The following DIAPH2 variants were observed in gnomAD, a reference collection of about 807,000 sequenced individuals.
DIAPH2 encodes diaphanous related formin 2.
Under a neutral mutation model 92.7 loss-of-function variants are expected in DIAPH2, and 35 were observed. That is an observed-to-expected ratio of 0.38 (90% CI 0.29 to 0.50). DIAPH2 has a LOEUF of 0.50. Ranked by LOEUF, DIAPH2 falls within the 20% of genes least tolerant of loss-of-function variation. The pLI is 0.94. For synonymous variants in DIAPH2, 301 were observed against 280.4 expected (o/e 1.07, Z -0.73); for missense variants, 701 against 819.5 (o/e 0.86, Z 1.77).
At chrX:96,685,383 C>A (rs1326264777) in intron 1 of DIAPH2, among the ~76,000 whole-genome samples, 193 bp downstream of exon 1, 1 of 112,281 alleles carries the variant, frequency 8.9e-6, no homozygotes, top group East Asian at 2.9e-4. Context: ...GCACCCCCTT[C>A]TCTACTTAAC....
chrX:96,769,115 T>C (rs2064322300), intron 4 of DIAPH2, among the ~76,000 whole-genome samples: 1 of 110,996 alleles, frequency 9.0e-6, no homozygotes, highest in African/African-American at 3.3e-5. Flanking sequence ...ATGGAGGATA[T>C]AGATGAGAGA....
chrX:97,036,093 T>C (rs976597993), intron 17 of DIAPH2, among the ~76,000 whole-genome samples: 1 of 111,909 alleles, frequency 8.9e-6, no homozygotes, highest in African/African-American at 3.2e-5. Flanking sequence ...ACAACAGTTT[T>C]ATTCTAATTT....
intron 17 of DIAPH2, among the ~76,000 whole-genome samples, chrX:97,009,192 C>T (rs746872193): frequency 6.7e-4 from 74 of 110,822 alleles, no homozygotes; most frequent in Non-Finnish European, 1.0e-3. Flanking sequence ...GGAGGTTCTC[C>T]GTGTGGCCAT....
intron 22 of DIAPH2, among the ~76,000 whole-genome samples, chrX:97,149,801 A>C: frequency 9.3e-6 from 1 of 107,944 alleles, no homozygotes; most frequent in African/African-American, 3.4e-5. Flanking sequence ...TACTCTATCA[A>C]TAGCAACACC....
At chrX:97,325,546 ATT>A (rs2068942971) in intron 23 of DIAPH2, among the ~76,000 whole-genome samples, 4 of 47,489 alleles carry the variant, frequency 8.4e-5, no homozygotes, top group Non-Finnish European at 1.9e-4. Flanking sequence ...TCTTAATGTT[ATT>A]TTATTTTATT....
intron 26 of DIAPH2, among the ~76,000 whole-genome samples, chrX:97,593,140 G>A (rs2071528267): frequency 9.0e-6 from 1 of 111,280 alleles, no homozygotes. Context: ...TCTAAAATGT[G>A]TCCTAAAAAA....
intron 12 of DIAPH2, among the ~76,000 whole-genome samples, chrX:96,939,898 C>T (rs1388671776): frequency 6.0e-5 from 5 of 83,589 alleles, no homozygotes; most frequent in African/African-American, 2.4e-4. Context: ...CTCCTGACCT[C>T]GTGATCCGCC....
At chrX:97,302,932 C>T (rs768058527) in intron 23 of DIAPH2, among the ~76,000 whole-genome samples, 10 of 111,305 alleles carry the variant, frequency 9.0e-5, no homozygotes, top group Admixed American at 3.8e-4. Context: ...TGCAGTGAGC[C>T]GAGATCGCGC....
At chrX:97,028,922 T>C (rs2066353490) in intron 17 of DIAPH2, among the ~76,000 whole-genome samples, 1 of 111,601 alleles carries the variant, frequency 9.0e-6, no homozygotes. Context: ...CCATTTCACA[T>C]TCCCACTAGC....
At chrX:97,425,066 A>AT (rs1319665322) in intron 25 of DIAPH2, among the ~76,000 whole-genome samples, 1 of 112,501 alleles carries the variant, frequency 8.9e-6, no homozygotes, top group South Asian at 3.6e-4. Context: ...TCATAAATAT[A>AT]TTTTTTCAGT....
chrX:96,933,251 TCTTTTC>T (rs1322857592), intron 10 of DIAPH2, among the ~76,000 whole-genome samples: 3 of 111,216 alleles, frequency 2.7e-5, no homozygotes, highest in Admixed American at 9.6e-5. Context: ...CGCAGGTATT[TCTTTTC>T]CTTTTCCTTT....
chrX:96,924,860 C>G (rs1308247279), intron 9 of DIAPH2, among the ~76,000 whole-genome samples: 2 of 110,954 alleles, frequency 1.8e-5, no homozygotes, highest in African/African-American at 6.6e-5. Context: ...CCCCATGATC[C>G]AGTCACCTCC....
At chrX:97,120,081 T>C (rs1410477358) in intron 21 of DIAPH2, among the ~76,000 whole-genome samples, 1 of 111,827 alleles carries the variant, frequency 8.9e-6, no homozygotes, top group Non-Finnish European at 1.9e-5. Flanking sequence ...CCACTTCAAG[T>C]TGTTACAAAG....
At chrX:97,230,878 C>CAG (rs1395569342) in intron 22 of DIAPH2, among the ~76,000 whole-genome samples, 1 of 112,302 alleles carries the variant, frequency 8.9e-6, no homozygotes, top group Non-Finnish European at 1.9e-5. Context: ...CCCACCAGAT[C>CAG]AGAGAGGCAG....
intron 4 of DIAPH2, among the ~76,000 whole-genome samples, chrX:96,822,696 GAAAATAAAAA>G (rs1444870688): frequency 1.8e-5 from 2 of 111,568 alleles, no homozygotes; most frequent in Non-Finnish European, 3.8e-5. Context: ...GCAGCTTTGT[GAAAATAAAAA>G]CAAAAGTAGA....
At chrX:97,078,119 GA>G (rs2066717365) in intron 19 of DIAPH2, among the ~76,000 whole-genome samples, 1 of 111,589 alleles carries the variant, frequency 9.0e-6, no homozygotes, top group Non-Finnish European at 1.9e-5. Flanking sequence ...ACAGAGTAAT[GA>G]AACGAGCGGT....
chrX:97,558,642 G>GTC (rs2071273004), intron 26 of DIAPH2, among the ~76,000 whole-genome samples: 1 of 111,743 alleles, frequency 8.9e-6, no homozygotes, highest in South Asian at 3.7e-4. Context: ...CAATTTGGAA[G>GTC]AAGAAATTAG....
chrX:97,022,191 A>C (rs1470934794), intron 17 of DIAPH2, among the ~76,000 whole-genome samples: 4 of 112,172 alleles, frequency 3.6e-5, no homozygotes, highest in Non-Finnish European at 7.5e-5. Context: ...CCTTCAATGT[A>C]AAGTAAGGAT....
chrX:97,194,923 T>C (rs949988389), intron 22 of DIAPH2, among the ~76,000 whole-genome samples: 1 of 112,134 alleles, frequency 8.9e-6, no homozygotes, highest in African/African-American at 3.2e-5. Flanking sequence ...TAATAATTGG[T>C]TAAACCATTT....
Sources: allele counts gnomAD v4.1 joint callset (sites outside exome capture counted in the v4.1 genomes callset), GRCh38; gene constraint gnomAD v4.1.1; transcripts MANE v1.5; gene names NCBI Gene and HGNC (gene_info 2026-07-23, HGNC 2026-07-21).